RAD51B: variants seen among roughly 807,000 people sequenced by gnomAD.
RAD51B encodes the protein RAD51 paralog B, also known as DNA repair protein RAD51 homolog 2.
In RAD51B, 38 loss-of-function variants were observed where a neutral mutation model predicts 42.2. The ratio of observed to expected loss-of-function variants is 0.90; its 90% CI spans 0.70 to 1.18. The LOEUF (loss-of-function observed/expected upper bound fraction) is 1.18. RAD51B is among the 50% of genes most tolerant of loss of function. RAD51B has a pLI of 0.00. For synonymous variants in RAD51B, 154 were observed against 145.2 expected, an observed-to-expected ratio of 1.06 and a Z score of -0.43; for missense variants, 373 against 400.7, an observed-to-expected ratio of 0.93 and a Z score of 0.59.
chr14:68,065,129 C>T lies in RAD51B; in HGVS notation c.756+177925C>T, dbSNP rs182993000. ...GGCTTTCGTTGGGGAAGACTTTCAC[C>T]TGCAGATGTGTTTTAGGGTCTCAGT... On this transcript the variant is annotated intron_variant, in intron 7 of 10. Transcript: ENST00000471583. Among the ~76,000 whole-genome samples the T allele has an allele frequency of 1.1e-4, 16 of 152,234 alleles. No homozygotes were observed. In the East Asian group the frequency reaches 1.5e-3, roughly 15 times the overall value.
intron 7 of RAD51B, among the ~76,000 whole-genome samples, chr14:68,029,526 T>C (rs2076007799): frequency 6.6e-6 from 1 of 152,222 alleles, no homozygotes; most frequent in Non-Finnish European, 1.5e-5. Context: ...TGTTCAAGTT[T>C]TATGGTGAGA....
At chr14:68,586,118 G>T (rs1416832426) in intron 10 of RAD51B, among the ~76,000 whole-genome samples, 1 of 152,130 alleles carries the variant, frequency 6.6e-6, no homozygotes, top group Non-Finnish European at 1.5e-5. Flanking sequence ...TTAAAGGCGG[G>T]TGAAAAACTG....
intron 8 of RAD51B, among the ~76,000 whole-genome samples, chr14:68,363,160 A>G (rs754272341): frequency 3.3e-5 from 5 of 152,248 alleles, no homozygotes; most frequent in Non-Finnish European, 5.9e-5. Flanking sequence ...GATTTTGGGT[A>G]CAAGATAGTT....
intron 11 of RAD51B, among the ~76,000 whole-genome samples, chr14:68,674,105 A>G (rs996661002): frequency 2.0e-5 from 3 of 152,136 alleles, no homozygotes; most frequent in East Asian, 3.8e-4. Flanking sequence ...GCACACTTGC[A>G]TATATATACA....
chr14:67,950,813 A>AT (rs1225262682), intron 7 of RAD51B, among the ~76,000 whole-genome samples: 3 of 151,224 alleles, frequency 2.0e-5, no homozygotes, highest in Admixed American at 6.6e-5. Context: ...TTTTTTTTCC[A>AT]TTTTTTTGTC....
chr14:68,533,522 T>C (rs938404269), intron 10 of RAD51B, among the ~76,000 whole-genome samples: 3 of 152,216 alleles, frequency 2.0e-5, no homozygotes, highest in Non-Finnish European at 2.9e-5. Flanking sequence ...ACTTCTTCCA[T>C]TGTAATGAGA....
At chr14:67,834,262 C>A (rs1318843767) in intron 3 of RAD51B, among the ~76,000 whole-genome samples, 3 of 152,048 alleles carry the variant, frequency 2.0e-5, no homozygotes, top group Admixed American at 6.6e-5. Context: ...TATTTAGGGT[C>A]CATCTGGATA....
chr14:67,980,653 A>G (rs915705100), intron 7 of RAD51B, among the ~76,000 whole-genome samples: 2 of 152,238 alleles, frequency 1.3e-5, no homozygotes, highest in African/African-American at 2.4e-5. Flanking sequence ...GAAGGGCCAA[A>G]CTTTTTAACA....
intron 7 of RAD51B, among the ~76,000 whole-genome samples, chr14:68,288,877 T>G (rs1415393490): frequency 1.3e-5 from 2 of 152,222 alleles, no homozygotes; most frequent in Non-Finnish European, 2.9e-5. Context: ...CATTTAGATC[T>G]CTCAGAAGTT....
chr14:67,996,665 G>T (rs2075390508), intron 7 of RAD51B, among the ~76,000 whole-genome samples: 1 of 152,126 alleles, frequency 6.6e-6, no homozygotes. Flanking sequence ...GGTCTTAGAG[G>T]TAACAATGGT....
chr14:68,621,249 A>T (rs1294611685), intron 10 of RAD51B, among the ~76,000 whole-genome samples: 1 of 152,216 alleles, frequency 6.6e-6, no homozygotes, highest in African/African-American at 2.4e-5. Flanking sequence ...CCCTTGCCAG[A>T]GAGAACCTCT....
At chr14:68,573,989 T>TGG (rs1360716700) in intron 10 of RAD51B, among the ~76,000 whole-genome samples, 2 of 151,868 alleles carry the variant, frequency 1.3e-5, no homozygotes, top group Non-Finnish European at 2.9e-5. Context: ...TATGTGTGTG[T>TGG]GTGTGTGTGT....
At chr14:68,594,388 A>C (rs1301558186) in intron 10 of RAD51B, 1 of 1,171,168 alleles carries the variant, frequency 8.5e-7, no homozygotes, top group East Asian at 4.7e-5. Flanking sequence ...ACTCTCCATC[A>C]GGTCTTCCTC....
At chr14:68,292,017 C>T in intron 8 of RAD51B, 37 bp downstream of exon 8, 1 of 1,536,598 alleles carries the variant, frequency 6.5e-7, no homozygotes, top group Non-Finnish European at 9.0e-7. Flanking sequence ...AAACTTGACA[C>T]TGACATAGAG....
At chr14:68,637,954 C>T in intron 10 of RAD51B, among the ~76,000 whole-genome samples, 1 of 152,232 alleles carries the variant, frequency 6.6e-6, no homozygotes. Context: ...TGCTTCTTAC[C>T]ATAGCTGGGA....
At chr14:68,010,864 A>G (rs1205893952) in intron 7 of RAD51B, among the ~76,000 whole-genome samples, 2 of 151,904 alleles carry the variant, frequency 1.3e-5, no homozygotes, top group African/African-American at 4.8e-5. Context: ...TCAATTATAC[A>G]GTAATGTAGG....
Position 68,478,009 on chromosome 14 carries a change from A to G in RAD51B, c.*345A>G, listed in dbSNP as rs1882856076. The G allele has an allele frequency of 1.8e-6, 2 of 1,104,570 alleles. No homozygotes were observed. The highest frequency in any genetic ancestry group is 2.2e-6 in the Non-Finnish European group (2 of 905,744). 68.4% of individuals were successfully genotyped at this position (1,104,570 alleles called of 1,614,324 possible). On this transcript the variant is annotated 3_prime_UTR_variant, in exon 11 of 11. Transcript: ENST00000471583. The stretch of plus-strand genomic sequence containing the variant: ...CCACATTAATTAATTAAAGCCCACA[A>G]TCCTCCTGGGGAGAGGAGGAGGATG...
At chr14:68,673,439 C>G (rs937214376) in intron 11 of RAD51B, among the ~76,000 whole-genome samples, 4 of 152,020 alleles carry the variant, frequency 2.6e-5, no homozygotes, top group African/African-American at 9.7e-5. Context: ...TATACATGCA[C>G]ACACGTACAC....
intron 9 of RAD51B, among the ~76,000 whole-genome samples, chr14:68,460,040 C>G (rs1173556220): frequency 6.6e-6 from 1 of 152,322 alleles, no homozygotes; most frequent in South Asian, 2.1e-4. Flanking sequence ...TACCCTCAGC[C>G]TCATGGCCGC....
Sources: gnomAD v4.1 joint callset for allele counts (sites outside exome capture counted in the v4.1 genomes callset) on GRCh38, gnomAD v4.1.1 for gene constraint, MANE v1.5 for transcripts, NCBI Gene and HGNC (gene_info 2026-07-23, HGNC 2026-07-21) for gene names.